The following LUZP2 variants were observed in gnomAD, a reference collection of about 807,000 sequenced individuals.
LUZP2 encodes the protein leucine zipper protein 2.
A neutral mutation model predicts 51.6 loss-of-function variants in LUZP2; 52 were observed. The observed-to-expected ratio is 1.01, with a 90% CI of 0.81 to 1.27. The LOEUF (loss-of-function observed/expected upper bound fraction) is 1.27. LUZP2 is among the 50% of genes most tolerant of loss of function. LUZP2 has a pLI of 0.00. For synonymous variants in LUZP2, 154 were observed against 137.3 expected (o/e 1.12, Z -0.85); for missense variants, 436 against 395.4 (o/e 1.10, Z -0.87).
At chr11:24,684,696 C>T (rs1856844804) in intron 1 of LUZP2, among the ~76,000 whole-genome samples, 1 of 152,184 alleles carries the variant, frequency 6.6e-6, no homozygotes, top group Admixed American at 6.5e-5. Context: ...GCTTTGCCAG[C>T]CAGTGGAGGT....
intron 5 of LUZP2, among the ~76,000 whole-genome samples, chr11:24,812,393 T>C (rs1850048262): frequency 6.6e-6 from 1 of 152,184 alleles, no homozygotes; most frequent in South Asian, 2.1e-4. Context: ...GCTTCTCAGC[T>C]CATTGTTTAC....
chr11:24,972,838 T>C (rs1053608598), intron 7 of LUZP2, among the ~76,000 whole-genome samples: 2 of 2,052 alleles, frequency 9.7e-4, no homozygotes, highest in African/African-American at 0.013. Context: ...CAGTATTTTA[T>C]TGAGGTTTTT....
chr11:25,063,514 G>T (rs1858909551), intron 10 of LUZP2, among the ~76,000 whole-genome samples: 1 of 151,814 alleles, frequency 6.6e-6, no homozygotes, highest in Non-Finnish European at 1.5e-5. Flanking sequence ...ATAGCCAACA[G>T]TAAATGTATA....
chr11:24,717,230 A>G (rs1181060548), intron 1 of LUZP2, among the ~76,000 whole-genome samples: 2 of 152,184 alleles, frequency 1.3e-5, no homozygotes, highest in African/African-American at 4.8e-5. Context: ...GCTAACCTAC[A>G]TTTATTAAGC....
In LUZP2 at chr11:24,885,953, A is replaced by AT. The variant is rs370562603; in HGVS notation, c.397-20037dup. ...TGAGCAGCTGTAAAACTTTTGTTAC[A>AT]TCTGCAACCACTTTAAAATTTAAAT... On this transcript the variant is annotated intron_variant, in intron 5 of 11. Transcript: ENST00000336930. Among the ~76,000 whole-genome samples, 230 of 152,328 alleles carry AT rather than the reference A, an allele frequency of 1.5e-3. 1 individual carries two copies. Among genetic ancestry groups the AT allele is most frequent in the African/African-American group, 5.4e-3 (224 of 41,590 alleles).
rs148514960 is a variant in LUZP2, at chr11:24,923,609, A to G, written c.522+9071A>G. Among the ~76,000 whole-genome samples, 490 of 152,174 alleles carry G rather than the reference A, an allele frequency of 3.2e-3. 3 individuals are homozygous for G. Among genetic ancestry groups the G allele is most frequent in the African/African-American group, 0.011 (452 of 41,540 alleles). On this transcript the variant is annotated intron_variant, in intron 7 of 11. Coordinates refer to ENST00000336930, the MANE Select transcript of LUZP2 (RefSeq NM_001009909.4). ...CTACTTGGGAGGCTGAGGCAGGAGT[A>G]TCACTTGAATCCGGGAGGCAGAGGT...
chr11:24,893,221 A>T (rs1172028341), intron 5 of LUZP2: 1 of 152,196 alleles, frequency 6.6e-6, no homozygotes, highest in Non-Finnish European at 1.5e-5. Context: ...CTATTCATTC[A>T]CATTCATTAA....
intron 1 of LUZP2, among the ~76,000 whole-genome samples, chr11:24,672,896 A>C (rs553817445): frequency 2.5e-4 from 38 of 152,336 alleles, no homozygotes; most frequent in African/African-American, 9.1e-4. Context: ...GGAGGTGAGC[A>C]GTGGGCGAGT....
intron 1 of LUZP2, among the ~76,000 whole-genome samples, chr11:24,622,689 G>A (rs377745462): frequency 2.0e-5 from 3 of 152,196 alleles, no homozygotes; most frequent in South Asian, 4.2e-4. Context: ...TTATCCAGCT[G>A]AGCCTCCATT....
At chr11:24,705,231 C>G (rs71476394) in intron 1 of LUZP2, among the ~76,000 whole-genome samples, 2,931 of 151,976 alleles carry the variant, frequency 0.019, 50 homozygotes, top group Middle Eastern at 0.044. Context: ...AAAGGTTGTT[C>G]TTGCCTCTTT....
At chr11:24,824,180 A>G (rs181669689) in intron 5 of LUZP2, among the ~76,000 whole-genome samples, 2 of 151,516 alleles carry the variant, frequency 1.3e-5, no homozygotes, top group African/African-American at 2.4e-5. Context: ...CCTGACCAAC[A>G]TGGAGAAATC....
chr11:24,748,658 CA>C (rs1859467599), intron 4 of LUZP2, among the ~76,000 whole-genome samples: 1 of 152,084 alleles, frequency 6.6e-6, no homozygotes, highest in South Asian at 2.1e-4. Context: ...GGGGTTTCAC[CA>C]TGTTGGCCGG....
At chr11:24,783,342 C>T (rs1849145995) in intron 5 of LUZP2, among the ~76,000 whole-genome samples, 2 of 151,920 alleles carry the variant, frequency 1.3e-5, no homozygotes, top group Middle Eastern at 3.4e-3. Context: ...AATATAATTA[C>T]ACTTCATTTT....
intron 5 of LUZP2, among the ~76,000 whole-genome samples, chr11:24,829,347 G>A (rs2716490): frequency 0.16 from 23,790 of 152,008 alleles, 2,065 homozygotes; most frequent in African/African-American, 0.22. Flanking sequence ...GGAAAAGTGT[G>A]CGTGCATGTA....
At chr11:24,896,462 T>C (rs979395174) in intron 5 of LUZP2, among the ~76,000 whole-genome samples, 5 of 151,988 alleles carry the variant, frequency 3.3e-5, no homozygotes, top group African/African-American at 1.2e-4. Flanking sequence ...GGGCGCCGGG[T>C]CCCCAGCACC....
intron 1 of LUZP2, among the ~76,000 whole-genome samples, chr11:24,500,469 G>A (rs1849961056): frequency 6.6e-6 from 1 of 152,192 alleles, no homozygotes; most frequent in African/African-American, 2.4e-5. Flanking sequence ...TTGTTGTATA[G>A]TATTAAATTG....
intron 5 of LUZP2, among the ~76,000 whole-genome samples, chr11:24,785,610 A>G (rs1281833961): frequency 6.6e-6 from 1 of 152,170 alleles, no homozygotes. Flanking sequence ...AATGAGCTTG[A>G]CAAGATGACC....
intron 5 of LUZP2, among the ~76,000 whole-genome samples, chr11:24,777,692 CAT>C (rs200746948): frequency 0.012 from 1,782 of 152,188 alleles, 20 homozygotes; most frequent in Non-Finnish European, 0.018. Flanking sequence ...AGCCATGTGT[CAT>C]AGAAAAATTG....
At chr11:24,689,560 G>C (rs1329839555) in intron 1 of LUZP2, among the ~76,000 whole-genome samples, 1 of 152,084 alleles carries the variant, frequency 6.6e-6, no homozygotes, top group African/African-American at 2.4e-5. Context: ...ATTTTAGAGA[G>C]CCAGTTTAAC....
Sources: allele counts gnomAD v4.1 joint callset (sites outside exome capture counted in the v4.1 genomes callset), GRCh38; gene constraint gnomAD v4.1.1; transcripts MANE v1.5; gene names NCBI Gene and HGNC (gene_info 2026-07-23, HGNC 2026-07-21).